SOX6: variants seen among roughly 807,000 people sequenced by gnomAD.
SOX6 encodes the protein SRY-box transcription factor 6.
In SOX6, 11 loss-of-function variants were observed where a neutral mutation model predicts 97.8. The observed-to-expected ratio is 0.11, with a 90% CI of 0.07 to 0.19. The LOEUF is 0.19. Among genes scored for constraint, SOX6 ranks in the 10% least tolerant of loss-of-function variants. The pLI, the probability that SOX6 is intolerant of heterozygous loss-of-function variation, is 1.00. For synonymous variants in SOX6, 360 were observed against 371.4 expected, an observed-to-expected ratio of 0.97 and a Z score of 0.35; for missense variants, 810 against 1,039.5, an observed-to-expected ratio of 0.78 and a Z score of 3.04.
intron 6 of SOX6, among the ~76,000 whole-genome samples, chr11:16,121,260 C>T (rs1190835451): frequency 2.0e-5 from 3 of 151,944 alleles, no homozygotes; most frequent in African/African-American, 7.2e-5. Flanking sequence ...ATCTTAATTC[C>T]TAGTATCTCT....
At position 15,971,179 on chromosome 11, in the gene SOX6, T is replaced by C. The variant is rs981266023; in HGVS notation, c.*1630A>G. 2.9e-4 allele frequency: 44 copies of C among 152,670 alleles called. No homozygotes were observed. Among genetic ancestry groups the C allele is most frequent in the Non-Finnish European group, 2.2e-4 (15 of 68,058 alleles). The allele number at this position is 152,670 out of a possible 1,614,324, so 9.5% of individuals were successfully genotyped here. On this transcript the variant is annotated 3_prime_UTR_variant, in exon 16 of 16. Coordinates refer to ENST00000683767, the MANE Select transcript of SOX6 (RefSeq NM_001367873.1). ...GAGTTAACAGTAGGAACATCCCATA[T>C]AGGGAATGTATTCCCCTCCTTCTCC...
In SOX6 at chr11:16,287,403, T is replaced by A. The variant is rs530056465; in HGVS notation, c.445+31043A>T. 2.0e-5 allele frequency among the ~76,000 whole-genome samples: 3 copies of A among 151,334 alleles called. No individual in the cohort carries two copies. The South Asian group carries it at 6.3e-4, about 32-fold the overall frequency. On this transcript the variant is annotated intron_variant, in intron 3 of 15. Transcript: ENST00000683767. ...AGACATTAACAATGGTCAAGTAAAG[T>A]ACAGGCCAACTGAGTTCATGCAATC...
intron 10 of SOX6, among the ~76,000 whole-genome samples, chr11:16,053,012 G>A (rs527980255): frequency 1.3e-5 from 2 of 152,152 alleles, no homozygotes; most frequent in African/African-American, 4.8e-5. Flanking sequence ...CTCAGGGGCA[G>A]CCTTTTGCAG....
intron 4 of SOX6, among the ~76,000 whole-genome samples, chr11:16,547,103 C>T (rs1022061012): frequency 6.6e-6 from 1 of 152,022 alleles, no homozygotes; most frequent in East Asian, 1.9e-4. Context: ...ACTAAAAAGA[C>T]AAAAAATAAC....
intron 1 of SOX6, among the ~76,000 whole-genome samples, chr11:16,413,001 A>G (rs1349266169): frequency 1.3e-5 from 2 of 152,216 alleles, no homozygotes; most frequent in African/African-American, 2.4e-5. Context: ...AAAGTGAAAG[A>G]AGGGTTGTTC....
In SOX6 at chr11:16,437,977, A is replaced by G. The variant is rs899256294; in HGVS notation, c.-5+38338T>C. 1.4e-4 allele frequency among the ~76,000 whole-genome samples: 22 copies of G among 151,952 alleles called. 1 individual carries two copies. Among genetic ancestry groups the G allele is most frequent in the Admixed American group, 1.3e-4 (2 of 15,266 alleles). ...ATCTTTTTCTTAACTATAGCCATCA[A>G]TCAGTAAACAATATTGGATAAGCCT... On this transcript the variant is annotated intron_variant, in intron 1 of 15. Transcript: ENST00000396356.
intron 4 of SOX6, among the ~76,000 whole-genome samples, chr11:16,188,560 G>A (rs79540168): frequency 0.012 from 1,781 of 152,080 alleles, 28 homozygotes; most frequent in African/African-American, 0.041. Flanking sequence ...AGGACAAAAA[G>A]TTCAACTAAT....
intron 1 of SOX6, among the ~76,000 whole-genome samples, chr11:16,415,074 CT>C (rs1274932081): frequency 6.6e-6 from 1 of 151,946 alleles, no homozygotes; most frequent in Non-Finnish European, 1.5e-5. Context: ...GATACATGTT[CT>C]TTTTTCAATA....
At chr11:16,683,616 T>C (rs1279907542) in intron 3 of SOX6, among the ~76,000 whole-genome samples, 1 of 152,150 alleles carries the variant, frequency 6.6e-6, no homozygotes, top group South Asian at 2.1e-4. Context: ...ATGTTAGACC[T>C]AAAACCATAA....
At chr11:16,566,219 G>A (rs1330184636) in intron 4 of SOX6, among the ~76,000 whole-genome samples, 1 of 151,968 alleles carries the variant, frequency 6.6e-6, no homozygotes, top group Non-Finnish European at 1.5e-5. Flanking sequence ...TAGGCCACTA[G>A]CTCCTAAGTT....
At chr11:16,465,092 G>A (rs1049790465) in intron 1 of SOX6, among the ~76,000 whole-genome samples, 5 of 151,988 alleles carry the variant, frequency 3.3e-5, no homozygotes, top group Non-Finnish European at 7.4e-5. Flanking sequence ...TCCTCCATTT[G>A]TTCAACCACA....
intron 1 of SOX6, among the ~76,000 whole-genome samples, chr11:16,398,830 C>A (rs1027639788): frequency 6.8e-6 from 1 of 147,502 alleles, no homozygotes; most frequent in African/African-American, 2.5e-5. Context: ...AAAAAAAAAA[C>A]CATAAAAACC....
At chr11:16,337,142 T>G (rs1235464622) in intron 2 of SOX6, among the ~76,000 whole-genome samples, 7 of 152,134 alleles carry the variant, frequency 4.6e-5, no homozygotes, top group Non-Finnish European at 1.0e-4. Flanking sequence ...TAGTAGGTAC[T>G]ATACACTCAG....
chr11:16,069,320 A>G (rs1408899863), intron 9 of SOX6, among the ~76,000 whole-genome samples: 1 of 152,234 alleles, frequency 6.6e-6, no homozygotes, highest in Non-Finnish European at 1.5e-5. Context: ...AATGAAATCT[A>G]GAACCCAGGT....
intron 1 of SOX6, among the ~76,000 whole-genome samples, chr11:16,404,053 G>A (rs1362736290): frequency 6.6e-6 from 1 of 151,644 alleles, no homozygotes; most frequent in Non-Finnish European, 1.5e-5. Flanking sequence ...CACTGTAAAA[G>A]TGTCTTCCAT....
chr11:16,552,980 T>C (rs771011001), intron 4 of SOX6, among the ~76,000 whole-genome samples: 1 of 152,174 alleles, frequency 6.6e-6, no homozygotes, highest in African/African-American at 2.4e-5. Flanking sequence ...AATAACATTA[T>C]GGGAATATGG....
chr11:16,468,533 T>A (rs1860083942), intron 1 of SOX6, among the ~76,000 whole-genome samples: 1 of 152,180 alleles, frequency 6.6e-6, no homozygotes, highest in Admixed American at 6.5e-5. Flanking sequence ...GTCCTCTGAT[T>A]AGAAGATTGC....
intron 7 of SOX6, among the ~76,000 whole-genome samples, chr11:16,102,582 C>T (rs1241414329): frequency 6.6e-6 from 1 of 151,700 alleles, no homozygotes; most frequent in African/African-American, 2.4e-5. Context: ...ACAGACTAAG[C>T]AAAAAGAATA....
intron 1 of SOX6, among the ~76,000 whole-genome samples, chr11:16,372,938 A>G (rs960476644): frequency 2.0e-5 from 3 of 152,158 alleles, no homozygotes; most frequent in African/African-American, 7.2e-5. Flanking sequence ...ATAAAAGTTC[A>G]CATTAGTTAG....
Sources: allele counts gnomAD v4.1 joint callset (sites outside exome capture counted in the v4.1 genomes callset), GRCh38; gene constraint gnomAD v4.1.1; transcripts MANE v1.5; gene names NCBI Gene and HGNC (gene_info 2026-07-23, HGNC 2026-07-21).